VAC14: variants seen among roughly 807,000 people sequenced by gnomAD.
The protein encoded by VAC14 is VAC14 component of PIKFYVE complex.
In VAC14, 47 loss-of-function variants were observed where a neutral mutation model predicts 85.3. The ratio of observed to expected loss-of-function variants is 0.55; its 90% CI spans 0.44 to 0.70. VAC14 has a LOEUF of 0.70. Ranked by LOEUF, VAC14 falls within the 30% of genes least tolerant of loss-of-function variation. The pLI, the probability that VAC14 is intolerant of heterozygous loss-of-function variation, is 0.00. For synonymous variants in VAC14, 447 were observed against 430.5 expected (o/e 1.04, Z -0.47); for missense variants, 861 against 1,004.3 (o/e 0.86, Z 1.93).
chr16:70,725,838 A>T (rs558575034), intron 14 of VAC14, among the ~76,000 whole-genome samples: 3 of 152,176 alleles, frequency 2.0e-5, no homozygotes, highest in East Asian at 3.9e-4. Flanking sequence ...GGTGGCTCGG[A>T]CCTCATCTAC....
intron 10 of VAC14, chr16:70,768,944 G>A (rs1357921516): frequency 6.6e-5 from 23 of 347,948 alleles, no homozygotes; most frequent in Admixed American, 5.0e-4. Flanking sequence ...AGGAGTACAG[G>A]TAAGTGCCAC....
chr16:70,744,677 G>A (rs547459925), intron 12 of VAC14, 98 bp from the exon 13 acceptor site: 3 of 1,427,958 alleles, frequency 2.1e-6, no homozygotes, highest in East Asian at 2.4e-5. Context: ...ACCTGCAGGG[G>A]TGGGAGGGGT....
rs551129276 is a variant in VAC14, at chr16:70,717,476, G to T, written c.1661+14019C>A. ...AAAAAAGTATAGAATGTATTTTCCG[G>T]ATATAGATCGGCACACTGAATAGTA... On this transcript the variant is annotated intron_variant, in intron 14 of 18. Coordinates refer to ENST00000261776, the MANE Select transcript of VAC14 (RefSeq NM_018052.5). 4.6e-5 allele frequency among the ~76,000 whole-genome samples: 7 copies of T among 152,182 alleles called. No homozygotes were observed. In the East Asian group the frequency reaches 1.4e-3, roughly 29 times the overall value.
intron 12 of VAC14, among the ~76,000 whole-genome samples, chr16:70,756,790 C>A (rs1023676066): frequency 2.6e-5 from 4 of 152,166 alleles, no homozygotes; most frequent in Non-Finnish European, 5.9e-5. Flanking sequence ...AACAAAAGCT[C>A]CTTTTCAGAT....
intron 12 of VAC14, among the ~76,000 whole-genome samples, chr16:70,749,760 T>G (rs2031227110): frequency 6.6e-6 from 1 of 152,172 alleles, no homozygotes; most frequent in South Asian, 2.1e-4. Context: ...GCCCCTCCAG[T>G]CCGGCTGCTG....
chr16:70,749,749 T>G (rs528960208), intron 12 of VAC14, among the ~76,000 whole-genome samples: 17 of 152,290 alleles, frequency 1.1e-4, no homozygotes, highest in African/African-American at 3.9e-4. Flanking sequence ...CCGGCTTCTG[T>G]GCCCCTCCAG....
At chr16:70,799,921 A>G (rs1043886450) in intron 1 of VAC14, among the ~76,000 whole-genome samples, 6 of 152,278 alleles carry the variant, frequency 3.9e-5, no homozygotes, top group African/African-American at 1.4e-4. Flanking sequence ...TTAATCTTTA[A>G]TAATTTAAAT....
At chr16:70,697,409 G>T (rs566446148) in intron 15 of VAC14, 152 bp from the exon 16 acceptor site, 1 of 605,324 alleles carries the variant, frequency 1.7e-6, no homozygotes, top group Non-Finnish European at 2.9e-6. Context: ...GGCTGGGAAC[G>T]AGCCGTCACA....
chr16:70,707,648 T>C (rs775364530), intron 14 of VAC14, among the ~76,000 whole-genome samples: 1 of 152,096 alleles, frequency 6.6e-6, no homozygotes, highest in African/African-American at 2.4e-5. Flanking sequence ...ACCCTAAGTT[T>C]GGGGCTTGCT....
chr16:70,756,779 C>CA (rs1273530201), intron 12 of VAC14, among the ~76,000 whole-genome samples: 1 of 152,176 alleles, frequency 6.6e-6, no homozygotes, highest in Non-Finnish European at 1.5e-5. Context: ...ACGAAACTTA[C>CA]AACAAAAGCT....
intron 9 of VAC14, among the ~76,000 whole-genome samples, chr16:70,774,410 A>T (rs968831690): frequency 6.6e-6 from 1 of 152,036 alleles, no homozygotes; most frequent in Non-Finnish European, 1.5e-5. Flanking sequence ...CTATCGGGGG[A>T]ACGTGTTGTC....
intron 13 of VAC14, among the ~76,000 whole-genome samples, chr16:70,734,699 C>G (rs1425757639): frequency 1.3e-5 from 2 of 152,042 alleles, no homozygotes; most frequent in African/African-American, 4.8e-5. Flanking sequence ...ATAGCCAATT[C>G]ATAGCTACCA....
At chr16:70,729,886 G>A (rs899449065) in intron 14 of VAC14, among the ~76,000 whole-genome samples, 2 of 151,928 alleles carry the variant, frequency 1.3e-5, no homozygotes, top group African/African-American at 2.4e-5. Context: ...CTTGGGCCTC[G>A]GTACCCCCTT....
intron 12 of VAC14, among the ~76,000 whole-genome samples, chr16:70,756,668 T>A (rs1597948981): frequency 6.6e-6 from 1 of 152,098 alleles, no homozygotes; most frequent in African/African-American, 2.4e-5. Context: ...ACCCCATGGG[T>A]CAGGCACTTC....
intron 12 of VAC14, among the ~76,000 whole-genome samples, chr16:70,758,647 G>A (rs961203641): frequency 2.6e-5 from 4 of 152,172 alleles, no homozygotes; most frequent in Non-Finnish European, 4.4e-5. Flanking sequence ...GCAGCATGGC[G>A]GCTGCCCAGC....
chr16:70,776,749 GGTTT>G (rs1302765204), intron 9 of VAC14, among the ~76,000 whole-genome samples: 1 of 146,318 alleles, frequency 6.8e-6, no homozygotes, highest in Non-Finnish European at 1.5e-5. Context: ...ATTTAAATAT[GGTTT>G]GTTTCAATTT....
intron 1 of VAC14, among the ~76,000 whole-genome samples, chr16:70,798,209 C>A (rs1405273893): frequency 1.3e-5 from 2 of 152,224 alleles, no homozygotes; most frequent in South Asian, 2.1e-4. Context: ...TGCCACGCAG[C>A]CTCTCAGGAA....
Position 70,715,533 on chromosome 16 carries a change from C to G in VAC14, c.1661+15962G>C, listed in dbSNP as rs375777288. On this transcript the variant is annotated intron_variant, in intron 14 of 18. Coordinates refer to ENST00000261776, the MANE Select transcript of VAC14 (RefSeq NM_018052.5). The stretch of plus-strand genomic sequence containing the variant: ...GCACAGCAGCAGCGCCCTGCCGCCC[C>G]CTGGGTGAAACTCTGATCTACCCTT... 1.9e-4 allele frequency: 29 copies of G among 152,510 alleles called. No individual in the cohort carries two copies. The East Asian group carries it at 4.0e-3, about 21-fold the overall frequency. The allele number at this position is 152,510 out of a possible 1,614,324, so 9.4% of individuals were successfully genotyped here.
In VAC14 at chr16:70,695,515, C is replaced by T. The variant is rs201097496; in HGVS notation, c.2035+29G>A. 5.6e-6 allele frequency: 9 copies of T among 1,611,548 alleles called. No homozygotes were observed. In the East Asian group the frequency reaches 1.3e-4, roughly 24 times the overall value. ...CTCCAGGGCAGCCTTGGACTCATGG[C>T]GCGAGGTGTGGTGGGAGGTGGTTCT... is the stretch of plus-strand genomic sequence containing the variant. On this transcript the variant is annotated intron_variant, in intron 17 of 18. Coordinates refer to ENST00000261776, the MANE Select transcript of VAC14 (RefSeq NM_018052.5).
Sources: gnomAD v4.1 joint callset for allele counts (sites outside exome capture counted in the v4.1 genomes callset) on GRCh38, gnomAD v4.1.1 for gene constraint, MANE v1.5 for transcripts, NCBI Gene and HGNC (gene_info 2026-07-23, HGNC 2026-07-21) for gene names.